DOK5: variants seen among roughly 807,000 people sequenced by gnomAD.
DOK5 encodes the protein docking protein 5.
DOK5 carries 27 observed loss-of-function variants against 43.3 expected under a neutral mutation model. The ratio of observed to expected loss-of-function variants is 0.62; its 90% CI spans 0.46 to 0.86. The LOEUF is 0.86. Ranked by LOEUF, DOK5 falls within the 40% of genes least tolerant of loss-of-function variation. The probability of loss-of-function intolerance (pLI) is 0.00; values close to 1 mark genes in which losing one functional copy is unlikely to be tolerated. For missense variants in DOK5, 373 were observed against 392.9 expected (o/e 0.95, Z 0.43); for synonymous variants, 146 against 140.1 (o/e 1.04, Z -0.30).
intron 1 of DOK5, among the ~76,000 whole-genome samples, chr20:54,525,649 G>A (rs889254476): frequency 6.6e-6 from 1 of 152,110 alleles, no homozygotes; most frequent in African/African-American, 2.4e-5. Flanking sequence ...ATATTAGCTG[G>A]GAGAGTTAAA....
At chr20:54,568,621 G>GT (rs1046222836) in intron 2 of DOK5, among the ~76,000 whole-genome samples, 9 of 152,130 alleles carry the variant, frequency 5.9e-5, no homozygotes, top group Non-Finnish European at 7.3e-5. Context: ...AAAAAAGCAT[G>GT]TTTTTTGTAA....
At chr20:54,508,584 A>G (rs1343142970) in intron 1 of DOK5, among the ~76,000 whole-genome samples, 2 of 151,660 alleles carry the variant, frequency 1.3e-5, no homozygotes, top group Non-Finnish European at 2.9e-5. Flanking sequence ...ATATTTATTT[A>G]TTTATTTATT....
intron 4 of DOK5, 32 bp from the exon 5 acceptor site, chr20:54,591,584 G>A: frequency 6.7e-7 from 1 of 1,497,266 alleles, no homozygotes; most frequent in Non-Finnish European, 9.0e-7. Context: ...TATTCCTGGG[G>A]ATTTTAGACT....
rs185650253 is a variant in DOK5, at chr20:54,511,465, G to A, written c.66+35453G>A. ...AAAGTAGAAAAGGTGGTAGATAGCT[G>A]ATAATTTTTTAAAATGTGTTTCTAG... On this transcript the variant is annotated intron_variant, in intron 1 of 7. Coordinates refer to ENST00000262593, the MANE Select transcript of DOK5 (RefSeq NM_018431.5). Among the ~76,000 whole-genome samples the A allele has an allele frequency of 3.1e-4, 47 of 152,328 alleles. 1 individual carries two copies. In the East Asian group the frequency reaches 9.1e-3, roughly 29 times the overall value.
chr20:54,637,860 C>G (rs112958693), intron 6 of DOK5, among the ~76,000 whole-genome samples: 2 of 152,206 alleles, frequency 1.3e-5, no homozygotes, highest in East Asian at 3.9e-4. Context: ...CGGTGGCTCA[C>G]GCCTGTAATC....
chr20:54,479,997 G>A (rs769473753), intron 1 of DOK5, among the ~76,000 whole-genome samples: 3 of 151,848 alleles, frequency 2.0e-5, no homozygotes, highest in Non-Finnish European at 4.4e-5. Context: ...TACGACCCTG[G>A]TCCGAACCCT....
intron 2 of DOK5, among the ~76,000 whole-genome samples, chr20:54,558,271 G>C (rs908523499): frequency 6.6e-6 from 1 of 152,150 alleles, no homozygotes; most frequent in Non-Finnish European, 1.5e-5. Context: ...AATGAATAAA[G>C]GGAAGTTGAG....
intron 7 of DOK5, 69 bp downstream of exon 7, chr20:54,643,647 C>T (rs1979234278): frequency 3.3e-6 from 5 of 1,533,388 alleles, no homozygotes; most frequent in African/African-American, 1.4e-5. Context: ...GGGCTCAGCT[C>T]AACTCGCAGC....
At chr20:54,607,930 G>A (rs1389587828) in intron 5 of DOK5, among the ~76,000 whole-genome samples, 2 of 148,858 alleles carry the variant, frequency 1.3e-5, no homozygotes. Context: ...ACAAAACAAA[G>A]TGGGCATTGG....
chr20:54,607,052 A>G (rs956688981), intron 5 of DOK5, among the ~76,000 whole-genome samples: 1 of 152,244 alleles, frequency 6.6e-6, no homozygotes, highest in South Asian at 2.1e-4. Flanking sequence ...CATAAAAGTC[A>G]AGAAGTCTTG....
At chr20:54,488,299 G>A (rs1420505043) in intron 1 of DOK5, among the ~76,000 whole-genome samples, 1 of 152,200 alleles carries the variant, frequency 6.6e-6, no homozygotes, top group Non-Finnish European at 1.5e-5. Flanking sequence ...AGTCTTCACT[G>A]GTTTGAATCC....
At chr20:54,534,850 T>TCTTTCTTTCTTTCTTTC (rs1568771318) in intron 1 of DOK5, among the ~76,000 whole-genome samples, 15 of 151,346 alleles carry the variant, frequency 9.9e-5, no homozygotes, top group African/African-American at 3.7e-4. Context: ...TTTCTTTCTT[T>TCTTTCTTTCTTTCTTTC]TTTTGAGATG....
chr20:54,645,831 T>A (rs1255185350), intron 7 of DOK5, among the ~76,000 whole-genome samples: 1 of 148,714 alleles, frequency 6.7e-6, no homozygotes, highest in African/African-American at 2.5e-5. Flanking sequence ...AAAGAATGCA[T>A]AATGTTAAGA....
At chr20:54,589,507 C>T (rs779663399) in intron 4 of DOK5, among the ~76,000 whole-genome samples, 1 of 152,104 alleles carries the variant, frequency 6.6e-6, no homozygotes, top group Non-Finnish European at 1.5e-5. Flanking sequence ...AACACTTCAG[C>T]AAAAATCAGT....
rs532982544 is a variant in DOK5 at position 54,592,845 on chromosome 20, A to G, written c.599+1040A>G. 1.5e-3 allele frequency among the ~76,000 whole-genome samples: 231 copies of G among 152,260 alleles called. 2 individuals are homozygous for G. The highest frequency in any genetic ancestry group is 5.4e-3 in the African/African-American group (223 of 41,542). ...CCACGCCCGGCCAGATAAATTTTCTATTTTAGAATTTTAAATGCCTAAATT... is the reference window on the plus strand; with the variant it reads ...CCACGCCCGGCCAGATAAATTTTCTGTTTTAGAATTTTAAATGCCTAAATT... On this transcript the variant is annotated intron_variant, in intron 5 of 7. Coordinates refer to ENST00000262593, the MANE Select transcript of DOK5 (RefSeq NM_018431.5).
chr20:54,556,990 T>G (rs546836026), intron 2 of DOK5, among the ~76,000 whole-genome samples: 1 of 152,252 alleles, frequency 6.6e-6, no homozygotes, highest in East Asian at 1.9e-4. Context: ...AGGAATACAT[T>G]ATAGGAACTC....
At position 54,497,015 on chromosome 20, in the gene DOK5, C is replaced by T. The variant is rs77536140; in HGVS notation, c.66+21003C>T. ...CGGTGGACAGACAGATCTTTCTATA[C>T]CATGGCTACATTGTGATTCTGGACA... is the stretch of plus-strand genomic sequence containing the variant. On this transcript the variant is annotated intron_variant, in intron 1 of 7. Coordinates refer to ENST00000262593, the MANE Select transcript of DOK5 (RefSeq NM_018431.5). 4.9e-3 allele frequency among the ~76,000 whole-genome samples: 744 copies of T among 152,212 alleles called. 4 individuals are homozygous for T. The highest frequency in any genetic ancestry group is 0.017 in the African/African-American group (707 of 41,518).
intron 6 of DOK5, among the ~76,000 whole-genome samples, chr20:54,635,493 C>T (rs1978782725): frequency 6.6e-6 from 1 of 152,200 alleles, no homozygotes; most frequent in African/African-American, 2.4e-5. Context: ...TCAGATACTC[C>T]TTTCTGTTAA....
At chr20:54,506,411 T>A (rs892765366) in intron 1 of DOK5, among the ~76,000 whole-genome samples, 3 of 152,220 alleles carry the variant, frequency 2.0e-5, no homozygotes, top group Non-Finnish European at 2.9e-5. Flanking sequence ...ATGATTGGCA[T>A]TATTACTGAA....
Sources: allele counts gnomAD v4.1 joint callset (sites outside exome capture counted in the v4.1 genomes callset), GRCh38; gene constraint gnomAD v4.1.1; transcripts MANE v1.5; gene names NCBI Gene and HGNC (gene_info 2026-07-23, HGNC 2026-07-21).